The following ARPC1B variants were observed in gnomAD, a reference collection of about 807,000 sequenced individuals.
ARPC1B encodes the protein actin-related protein 2/3 complex subunit 1B.
A neutral mutation model predicts 46.0 loss-of-function variants in ARPC1B; 29 were observed. The observed-to-expected ratio is 0.63, with a 90% CI of 0.47 to 0.86. ARPC1B has a LOEUF of 0.86. Ranked by LOEUF, ARPC1B falls within the 40% of genes least tolerant of loss-of-function variation. The probability of loss-of-function intolerance (pLI) is 0.00; values close to 1 mark genes in which losing one functional copy is unlikely to be tolerated. For missense variants in ARPC1B, 469 were observed against 529.4 expected, an observed-to-expected ratio of 0.89 and a Z score of 1.12; for synonymous variants, 201 against 213.9, an observed-to-expected ratio of 0.94 and a Z score of 0.53.
intron 8 of ARPC1B, among the ~76,000 whole-genome samples, chr7:99,393,268 G>A (rs1423236032): frequency 1.3e-5 from 2 of 152,236 alleles, no homozygotes; most frequent in African/African-American, 4.8e-5. Context: ...AGCCTGGGAG[G>A]GACACGGTGC....
chr7:99,387,711 T>G (rs1177373886), intron 3 of ARPC1B, among the ~76,000 whole-genome samples: 1 of 135,354 alleles, frequency 7.4e-6, no homozygotes, highest in African/African-American at 2.8e-5. Context: ...CACTCCAGCT[T>G]GGGCGGCTGA....
At chr7:99,377,759 C>G (rs561737782) in intron 1 of ARPC1B, among the ~76,000 whole-genome samples, 14 of 151,828 alleles carry the variant, frequency 9.2e-5, no homozygotes, top group African/African-American at 3.1e-4. Context: ...CTCGACCCCC[C>G]GAGCAGCTGG....
At position 99,388,135 on chromosome 7, in the gene ARPC1B, C is replaced by T. The variant is rs773724710; in HGVS notation, c.266C>T (p.Thr89Met). ...CTGAAGGGCCGCACATGGAAGCCCA[C>T]GCTGGTCATCCTGCGGATCAACCGG... ...WTLKGRTWKP[T>M]LVILRINRAA... Residue 89 changes from threonine (T) to methionine (M), a missense_variant, in exon 4 of 10, where the codon ACG becomes ATG. Physicochemically the swap from Thr to Met is moderately conservative, Grantham distance 81 (BLOSUM62 -1). Transcript: ENST00000646101. 1.2e-5 allele frequency: 20 copies of T among 1,614,064 alleles called. No homozygotes were observed. Among genetic ancestry groups the T allele is most frequent in the Admixed American group, 1.7e-5 (1 of 60,000 alleles).
intron 1 of ARPC1B, among the ~76,000 whole-genome samples, chr7:99,381,408 G>T (rs548569187): frequency 1.3e-5 from 2 of 152,304 alleles, no homozygotes; most frequent in Admixed American, 1.3e-4. Flanking sequence ...GGGAGGTGCA[G>T]TGTGCATGTG....
intron 1 of ARPC1B, 80 bp from the exon 2 acceptor site, chr7:99,385,622 A>C: frequency 4.4e-5 from 53 of 1,208,090 alleles, no homozygotes; most frequent in Non-Finnish European, 6.0e-5. Context: ...GCCTGTGAGG[A>C]TCATCTGGGG....
At chr7:99,394,173 C>T in intron 9 of ARPC1B, 54 bp downstream of exon 9, 1 of 1,571,138 alleles carries the variant, frequency 6.4e-7, no homozygotes, top group South Asian at 1.1e-5. Flanking sequence ...AACCCTTTCC[C>T]CCCATCCCCA....
At chr7:99,380,660 G>T (rs1794187981) in intron 1 of ARPC1B, among the ~76,000 whole-genome samples, 1 of 152,200 alleles carries the variant, frequency 6.6e-6, no homozygotes, top group Non-Finnish European at 1.5e-5. Flanking sequence ...ACACGTGGGG[G>T]TTGCTGTCTT....
rs1794683813 is a variant in ARPC1B at position 99,394,122 on chromosome 7, G to A, written c.1080+3G>A. ...GCATGAGTATCTGGGATGTGAAGGTGAGGCTTGCCCCTCCTGGCTTCCCGC... is the reference window on the plus strand; with the variant it reads ...GCATGAGTATCTGGGATGTGAAGGTAAGGCTTGCCCCTCCTGGCTTCCCGC... On this transcript the variant is annotated splice_donor_region_variant and intron_variant, in intron 9 of 9. Coordinates refer to ENST00000646101, the MANE Select transcript of ARPC1B (RefSeq NM_005720.4). 4 of 1,613,108 alleles carry A rather than the reference G, an allele frequency of 2.5e-6. No homozygotes were observed. The highest frequency in any genetic ancestry group is 1.6e-4 in the Middle Eastern group (1 of 6,062).
chr7:99,376,921 G>A (rs1584396181), intron 1 of ARPC1B, among the ~76,000 whole-genome samples: 1 of 151,956 alleles, frequency 6.6e-6, no homozygotes. Flanking sequence ...TGCTTCAGGG[G>A]GAGAATGGTG....
rs1043854244 is a variant in ARPC1B at position 99,392,864 on chromosome 7, A to G, written c.977A>G (p.Lys326Arg). ...AAGAGLDSLH[K>R]NSVSQISVLS... ...GGCGCGGGCCTAGACTCGCTGCACAAGAACAGCGTCAGGTGAGAGCGGGAG... is the reference window on the plus strand; with the variant it reads ...GGCGCGGGCCTAGACTCGCTGCACAGGAACAGCGTCAGGTGAGAGCGGGAG... The change falls in exon 8 of 10, where the codon AAG becomes AGG. Residue 326 changes from lysine to arginine, a missense_variant. Lys to Arg is a conservative substitution (Grantham distance 26). Transcript: ENST00000646101. 2.6e-5 allele frequency: 40 copies of G among 1,545,462 alleles called. No individual in the cohort carries two copies. The highest frequency in any genetic ancestry group is 3.1e-5 in the Non-Finnish European group (36 of 1,143,634).
At chr7:99,379,805 A>AT (rs376760661) in intron 1 of ARPC1B, among the ~76,000 whole-genome samples, 27,941 of 141,890 alleles carry the variant, frequency 0.2, 5,547 homozygotes, top group African/African-American at 0.52. Flanking sequence ...TGCCTGGCTA[A>AT]TTTTTTTTTT....
rs1584407928 is a variant in ARPC1B, at chr7:99,388,514, C to T, written c.392+253C>T. ...CACTAAGCCCTGCACACACATTAGTCCTGACTTCCCTGCAGCTCCGTGGAC... is the reference window on the plus strand; with the variant it reads ...CACTAAGCCCTGCACACACATTAGTTCTGACTTCCCTGCAGCTCCGTGGAC... On this transcript the variant is annotated intron_variant, in intron 4 of 9. Transcript: ENST00000646101. 14 of 501,522 alleles carry T rather than the reference C, an allele frequency of 2.8e-5. No individual in the cohort carries two copies. In the East Asian group the frequency reaches 3.9e-4, roughly 14 times the overall value. 31.1% of individuals were successfully genotyped at this position (501,522 alleles called of 1,614,324 possible).
intron 1 of ARPC1B, among the ~76,000 whole-genome samples, chr7:99,383,519 G>C (rs1449834917): frequency 6.6e-6 from 1 of 152,220 alleles, no homozygotes; most frequent in Admixed American, 6.5e-5. Flanking sequence ...AGGGGAGGAA[G>C]GCAGCGGGCC....
Position 99,394,697 on chromosome 7 carries a change from TG to T in ARPC1B, c.*209del. The T allele has an allele frequency of 3.3e-6, 4 of 1,228,142 alleles. No homozygotes were observed. The highest frequency in any genetic ancestry group is 3.0e-6 in the Non-Finnish European group (3 of 1,005,924). 76.1% of individuals were successfully genotyped at this position (1,228,142 alleles called of 1,614,324 possible). On this transcript the variant is annotated 3_prime_UTR_variant, in exon 10 of 10. Transcript: ENST00000646101. ...CTTTTTCTTAAATGCTTTCATTTAT[TG>T]AAAAAAAAAAAAAATGCCCCCAAAG...
At chr7:99,388,674 C>G (rs1167280482) in intron 4 of ARPC1B, 1 of 164,270 alleles carries the variant, frequency 6.1e-6, no homozygotes, top group Non-Finnish European at 1.3e-5. Context: ...CACTCTGTCA[C>G]CCAGGCTGGA....
chr7:99,388,516 T>C, intron 4 of ARPC1B: 1 of 494,218 alleles, frequency 2.0e-6, no homozygotes, highest in Non-Finnish European at 3.7e-6. Context: ...ACATTAGTCC[T>C]GACTTCCCTG....
chr7:99,382,010 G>A (rs1044438487), intron 1 of ARPC1B, among the ~76,000 whole-genome samples: 2 of 152,204 alleles, frequency 1.3e-5, no homozygotes, highest in African/African-American at 4.8e-5. Flanking sequence ...GCTGTCACTG[G>A]TGACTCTGGG....
intron 1 of ARPC1B, among the ~76,000 whole-genome samples, chr7:99,375,046 T>C: frequency 1.2e-5 from 1 of 82,328 alleles, no homozygotes; most frequent in South Asian, 4.0e-4. Context: ...GCCCTGGGAT[T>C]GGAGGGGGCG....
At chr7:99,394,367 G>A (rs1794695406) in intron 9 of ARPC1B, 84 bp from the exon 10 acceptor site, 1 of 1,279,732 alleles carries the variant, frequency 7.8e-7, no homozygotes, top group Admixed American at 1.7e-5. Flanking sequence ...GCTGTGCTGG[G>A]GCTGAGATGG....
Sources: allele counts gnomAD v4.1 joint callset (sites outside exome capture counted in the v4.1 genomes callset), GRCh38; gene constraint gnomAD v4.1.1; transcripts MANE v1.5; gene names NCBI Gene and HGNC (gene_info 2026-07-23, HGNC 2026-07-21).